The following IL4R variants were observed in gnomAD, a reference collection of about 807,000 sequenced individuals.
IL4R encodes interleukin 4 receptor.
In IL4R, 17 loss-of-function variants were observed where a neutral mutation model predicts 41.5. That is an observed-to-expected ratio of 0.41 (90% CI 0.28 to 0.61). The LOEUF (loss-of-function observed/expected upper bound fraction) is 0.61. IL4R is among the 20% of genes least tolerant of loss of function. The pLI is 0.31. For missense variants in IL4R, 974 were observed against 1,043.1 expected (o/e 0.93, Z 0.91); for synonymous variants, 402 against 422.9 (o/e 0.95, Z 0.61).
intron 2 of IL4R, among the ~76,000 whole-genome samples, chr16:27,332,343 A>G (rs2085133969): frequency 6.6e-6 from 1 of 151,994 alleles, no homozygotes; most frequent in Non-Finnish European, 1.5e-5. Context: ...CGCCAAGGAA[A>G]GGGGGGGAAA....
rs189372037 is a variant in IL4R at position 27,361,539 on chromosome 16, C to T, written c.900-713C>T. Among the ~76,000 whole-genome samples the T allele has an allele frequency of 1.1e-3, 160 of 152,000 alleles. 1 individual carries two copies. Among genetic ancestry groups the T allele is most frequent in the Middle Eastern group, 6.8e-3 (2 of 292 alleles). ...GCCTCCTTAGCTTCTTCCCTGGGGC[C>T]TGCTGGACCTTTCCATACTCCAGAA... On this transcript the variant is annotated intron_variant, in intron 10 of 10. Transcript: ENST00000395762.
chr16:27,351,937 G>C (rs979190298), intron 6 of IL4R, among the ~76,000 whole-genome samples: 1 of 152,208 alleles, frequency 6.6e-6, no homozygotes, highest in South Asian at 2.1e-4. Context: ...TCTCAGTAGA[G>C]GCTAGGTTGG....
chr16:27,352,520 A>G lies in IL4R; in HGVS notation c.514-20A>G, dbSNP rs369248176. Reference sequence around the variant, plus strand: ...CCTCGCCCCCGGCTGGTGCCCTAACATCTCCCTTTTCTCTACCAGTTCAGA... The same window carrying G: ...CCTCGCCCCCGGCTGGTGCCCTAACGTCTCCCTTTTCTCTACCAGTTCAGA... On this transcript the variant is annotated intron_variant, in intron 6 of 10. Transcript: ENST00000395762. 6.2e-7 allele frequency: 1 copy of G among 1,610,988 alleles called. No individual in the cohort carries two copies. The highest frequency in any genetic ancestry group is 1.3e-5 in the African/African-American group (1 of 74,782).
chr16:27,362,683 C>T lies in IL4R; in HGVS notation c.1331C>T (p.Pro444Leu). ...TCGGGAAGTACGAGTGCTCACATGC[C>T]CTGGGATGAGTTCCCAAGTGCAGGG... The part of the protein sequence containing the change: ...PPSGSTSAHM[P>L]WDEFPSAGPK... Residue 444 changes from proline (P) to leucine (L), a missense_variant, in exon 11 of 11, where the codon CCC (proline) becomes CTC (leucine). Coordinates refer to ENST00000395762, the MANE Select transcript of IL4R (RefSeq NM_000418.4). 1 of 1,614,118 alleles carries T rather than the reference C, an allele frequency of 6.2e-7. No individual in the cohort carries two copies. The highest frequency in any genetic ancestry group is 8.5e-7 in the Non-Finnish European group (1 of 1,180,012).
rs3024670 is a variant in IL4R at position 27,361,074 on chromosome 16, G to T, written c.899+259G>T. 12,481 of 1,371,470 alleles carry T rather than the reference G, an allele frequency of 9.1e-3. 778 individuals are homozygous for T. The African/African-American group carries it at 0.14, about 16-fold the overall frequency. The allele number at this position is 1,371,470 out of a possible 1,614,324, so 85.0% of individuals were successfully genotyped here. A position where few individuals can be genotyped will look rare whatever the true frequency, so the allele number is the denominator to read the frequency against. On this transcript the variant is annotated intron_variant, in intron 10 of 10. Transcript: ENST00000395762. ...GTTATAGTTAACAACCAGAGCAGCC[G>T]TGCCTGTTGTTAAAATCTTGACCTA...
chr16:27,315,174 A>G (rs989874782), intron 1 of IL4R, among the ~76,000 whole-genome samples: 2 of 152,150 alleles, frequency 1.3e-5, no homozygotes, highest in Non-Finnish European at 2.9e-5. Context: ...AGCCCAAGGC[A>G]TTTGCTGGGA....
chr16:27,319,613 A>T (rs9928144), intron 1 of IL4R, among the ~76,000 whole-genome samples: 1,553 of 152,232 alleles, frequency 0.01, 32 homozygotes, highest in African/African-American at 0.035. Context: ...AGACAGTCCA[A>T]TCATTTTACA....
intron 1 of IL4R, among the ~76,000 whole-genome samples, chr16:27,328,887 ACT>A (rs1432818060): frequency 6.6e-6 from 1 of 151,798 alleles, no homozygotes; most frequent in African/African-American, 2.4e-5. Flanking sequence ...ATTTGTAAGA[ACT>A]CTTCATATAT....
intron 1 of IL4R, among the ~76,000 whole-genome samples, chr16:27,323,561 G>A (rs1045277255): frequency 5.3e-5 from 8 of 152,162 alleles, no homozygotes; most frequent in African/African-American, 1.9e-4. Flanking sequence ...TCTGGGCCTC[G>A]GCTTCTCCAT....
chr16:27,324,819 C>T (rs1199823338), intron 1 of IL4R, among the ~76,000 whole-genome samples: 1 of 152,190 alleles, frequency 6.6e-6, no homozygotes, highest in East Asian at 1.9e-4. Context: ...TGGTCTTCCC[C>T]AGCAAATCTG....
At chr16:27,342,478 C>A (rs942742363) in intron 4 of IL4R, among the ~76,000 whole-genome samples, 1 of 152,030 alleles carries the variant, frequency 6.6e-6, no homozygotes, top group Non-Finnish European at 1.5e-5. Context: ...CACATGGATA[C>A]GGCTGGAATA....
intron 1 of IL4R, among the ~76,000 whole-genome samples, chr16:27,320,220 C>T (rs576562088): frequency 6.6e-6 from 1 of 152,152 alleles, no homozygotes; most frequent in African/African-American, 2.4e-5. Context: ...TCACTGTCTC[C>T]CATCGCCCTT....
intron 9 of IL4R, among the ~76,000 whole-genome samples, chr16:27,360,533 G>A (rs1457815137): frequency 6.6e-6 from 1 of 152,182 alleles, no homozygotes; most frequent in African/African-American, 2.4e-5. Flanking sequence ...TCAAGGGATG[G>A]GAGGAGATTC....
intron 8 of IL4R, among the ~76,000 whole-genome samples, chr16:27,357,338 G>A (rs1223576958): frequency 6.6e-6 from 1 of 152,212 alleles, no homozygotes; most frequent in Non-Finnish European, 1.5e-5. Flanking sequence ...GAAGTGCAGT[G>A]GCGCGGTTAC....
At chr16:27,315,356 A>G (rs2141039678) in intron 1 of IL4R, 1 of 152,414 alleles carries the variant, frequency 6.6e-6, no homozygotes, top group South Asian at 2.1e-4. Flanking sequence ...TCATTCACTC[A>G]CTAGCACTCA....
At chr16:27,323,309 C>A (rs182893496) in intron 1 of IL4R, among the ~76,000 whole-genome samples, 197 of 152,352 alleles carry the variant, frequency 1.3e-3, no homozygotes, top group African/African-American at 4.5e-3. Context: ...GTCACCATCA[C>A]CTCGGGCAAA....
chr16:27,343,321 G>A (rs975999281), intron 4 of IL4R, among the ~76,000 whole-genome samples: 3 of 152,166 alleles, frequency 2.0e-5, no homozygotes, highest in African/African-American at 4.8e-5. Context: ...AGCCAAATCC[G>A]GCCCACTGCT....
At chr16:27,325,548 T>C (rs962560292) in intron 1 of IL4R, among the ~76,000 whole-genome samples, 49 of 150,744 alleles carry the variant, frequency 3.3e-4, no homozygotes, top group Non-Finnish European at 1.3e-4. Flanking sequence ...CACTCCAGCC[T>C]GGACTACACA....
intron 8 of IL4R, among the ~76,000 whole-genome samples, chr16:27,357,641 T>G (rs1425534929): frequency 6.6e-6 from 1 of 151,768 alleles, no homozygotes; most frequent in Non-Finnish European, 1.5e-5. Context: ...TTTTTGTATT[T>G]TTAGTAGAGA....
Sources: gnomAD v4.1 joint callset for allele counts (sites outside exome capture counted in the v4.1 genomes callset) on GRCh38, gnomAD v4.1.1 for gene constraint, MANE v1.5 for transcripts, NCBI Gene and HGNC (gene_info 2026-07-23, HGNC 2026-07-21) for gene names.